The following PATL2 variants were observed in gnomAD, a reference collection of about 807,000 sequenced individuals.
The protein encoded by PATL2 is PAT1 homolog 2, also known as protein PAT1 homolog 2.
Under a neutral mutation model 77.0 loss-of-function variants are expected in PATL2, and 73 were observed. The observed-to-expected ratio is 0.95, with a 90% confidence interval of 0.78 to 1.15. PATL2 has a LOEUF of 1.15. Ranked by LOEUF, PATL2 falls within the 50% of genes most tolerant of loss-of-function variation. The pLI, the probability that PATL2 is intolerant of heterozygous loss-of-function variation, is 0.00. For synonymous variants in PATL2, 265 were observed against 257.1 expected (o/e 1.03, Z -0.29); for missense variants, 618 against 655.4 (o/e 0.94, Z 0.62).
intron 6 of PATL2, among the ~76,000 whole-genome samples, chr15:44,673,636 GT>G (rs1339525117): frequency 1.3e-5 from 2 of 152,168 alleles, no homozygotes; most frequent in African/African-American, 4.8e-5. Flanking sequence ...CATTTGGAAA[GT>G]CAACACTTCT....
chr15:44,668,940 T>C (rs1260547249), intron 14 of PATL2, 40 bp downstream of exon 14: 1 of 1,492,978 alleles, frequency 6.7e-7, no homozygotes, highest in South Asian at 1.3e-5. Context: ...CCCTAACCTA[T>C]TCAGGAGACC....
At chr15:44,671,916 C>G in intron 9 of PATL2, 99 bp downstream of exon 9, 3 of 1,428,124 alleles carry the variant, frequency 2.1e-6, no homozygotes, top group Non-Finnish European at 2.8e-6. Context: ...CCTGAACAGA[C>G]ATGACCTCTA....
intron 3 of PATL2, chr15:44,677,034 T>A (rs1207174908): frequency 1.8e-6 from 1 of 541,970 alleles, no homozygotes; most frequent in Non-Finnish European, 2.4e-6. Flanking sequence ...CATAGTTTAA[T>A]GATTAAAAAA....
At chr15:44,682,286 G>T (rs966330060) in intron 3 of PATL2, among the ~76,000 whole-genome samples, 7 of 152,302 alleles carry the variant, frequency 4.6e-5, no homozygotes, top group African/African-American at 1.7e-4. Context: ...TCCTCCAGGA[G>T]GCCTTCTCAG....
At chr15:44,666,094 G>A (rs1296986882) in intron 17 of PATL2, 123 bp from the exon 18 acceptor site, 4 of 946,280 alleles carry the variant, frequency 4.2e-6, no homozygotes, top group Non-Finnish European at 6.3e-6. Flanking sequence ...TGTTATTCAT[G>A]CTTATATCCT....
chr15:44,676,300 A>G (rs1331274518), intron 4 of PATL2, 175 bp downstream of exon 4: 3 of 642,900 alleles, frequency 4.7e-6, no homozygotes, highest in Non-Finnish European at 8.3e-6. Flanking sequence ...GGTTGGTGAG[A>G]AAAATAAAGC....
intron 3 of PATL2, among the ~76,000 whole-genome samples, chr15:44,678,801 G>GA (rs151247698): frequency 1.3e-5 from 2 of 151,602 alleles, no homozygotes; most frequent in African/African-American, 4.8e-5. Flanking sequence ...TTTTCTTAAA[G>GA]AAAAAAAATG....
chr15:44,705,274 C>A (rs2086710275), intron 3 of PATL2, among the ~76,000 whole-genome samples: 1 of 152,084 alleles, frequency 6.6e-6, no homozygotes, highest in Non-Finnish European at 1.5e-5. Context: ...CCTCCACTTC[C>A]CAGGTTCAAG....
At chr15:44,698,600 A>G (rs908601785) in intron 3 of PATL2, among the ~76,000 whole-genome samples, 2 of 152,056 alleles carry the variant, frequency 1.3e-5, no homozygotes, top group Non-Finnish European at 2.9e-5. Context: ...ATGGCCAAAC[A>G]CACTCCATTG....
chr15:44,693,789 A>T (rs976274381), intron 3 of PATL2, among the ~76,000 whole-genome samples: 1 of 151,704 alleles, frequency 6.6e-6, no homozygotes, highest in African/African-American at 2.4e-5. Flanking sequence ...GCTCACTTCA[A>T]TCGCACTTCA....
intron 15 of PATL2, 89 bp from the exon 16 acceptor site, chr15:44,667,292 A>G (rs2085424536): frequency 1.1e-6 from 1 of 945,188 alleles, no homozygotes; most frequent in Non-Finnish European, 1.6e-6. Context: ...CAACTAAAGG[A>G]CAGGTTCACA....
chr15:44,688,000 C>T (rs935034925), intron 3 of PATL2, among the ~76,000 whole-genome samples: 1 of 152,032 alleles, frequency 6.6e-6, no homozygotes, highest in Admixed American at 6.6e-5. Flanking sequence ...GCTATCCCAG[C>T]ACTTTAGGAG....
chr15:44,678,427 T>G (rs1466164150), intron 3 of PATL2, among the ~76,000 whole-genome samples: 1 of 152,204 alleles, frequency 6.6e-6, no homozygotes. Flanking sequence ...GAGTTTCACT[T>G]GGGACCTACT....
rs2085725129 is a variant in PATL2 at position 44,672,250 on chromosome 15, T to C, written c.516-94A>G. On this transcript the variant is annotated intron_variant, in intron 8 of 17. Transcript: ENST00000682850. ...AGGAAGTGGGGCTCTCTGGGAAGGATGGAGCAAGCACAGAGGTGGGCAACA... is the reference window on the plus strand; with the variant it reads ...AGGAAGTGGGGCTCTCTGGGAAGGACGGAGCAAGCACAGAGGTGGGCAACA... 2.6e-6 allele frequency: 4 copies of C among 1,542,470 alleles called. 1 individual carries two copies. The South Asian group carries it at 4.8e-5, about 18-fold the overall frequency.
chr15:44,669,227 G>T, intron 13 of PATL2, 53 bp downstream of exon 13: 1 of 1,532,856 alleles, frequency 6.5e-7, no homozygotes, highest in East Asian at 2.5e-5. Context: ...CAAGACCAGT[G>T]TCTTTGCTGC....
intron 9 of PATL2, among the ~76,000 whole-genome samples, chr15:44,671,453 C>T (rs900680070): frequency 6.7e-6 from 1 of 150,184 alleles, no homozygotes; most frequent in African/African-American, 2.5e-5. Flanking sequence ...GGTGCCACTG[C>T]ACTTCAGCCT....
At position 44,672,353 on chromosome 15, in the gene PATL2, G is replaced by T. The variant is rs748497085; in HGVS notation, c.515+35C>A. 8 of 1,544,988 alleles carry T rather than the reference G, an allele frequency of 5.2e-6. No homozygotes were observed. The South Asian group carries it at 9.5e-5, about 18-fold the overall frequency. On this transcript the variant is annotated intron_variant, in intron 8 of 17. Coordinates refer to ENST00000682850, the MANE Select transcript of PATL2 (RefSeq NM_001387263.1). ...AAGGGGAGACCCGGCATGCAAATGGGCTCCCCTCAACCCTGCTCCTGGTCT... is the reference window on the plus strand; with the variant it reads ...AAGGGGAGACCCGGCATGCAAATGGTCTCCCCTCAACCCTGCTCCTGGTCT...
At chr15:44,687,081 AC>A (rs1207344047) in intron 3 of PATL2, among the ~76,000 whole-genome samples, 6 of 152,088 alleles carry the variant, frequency 3.9e-5, no homozygotes, top group African/African-American at 1.4e-4. Flanking sequence ...TGATACCAAA[AC>A]CTGGCAGAGA....
At chr15:44,681,094 G>A (rs1041902667) in intron 3 of PATL2, among the ~76,000 whole-genome samples, 3 of 152,092 alleles carry the variant, frequency 2.0e-5, no homozygotes, top group Non-Finnish European at 2.9e-5. Context: ...GCAGTGGCAC[G>A]ATTATAGCTC....
Sources: allele counts gnomAD v4.1 joint callset (sites outside exome capture counted in the v4.1 genomes callset), GRCh38; gene constraint gnomAD v4.1.1; transcripts MANE v1.5; gene names NCBI Gene and HGNC (gene_info 2026-07-23, HGNC 2026-07-21).